The following RAPGEF4 variants were observed in gnomAD, a reference collection of about 807,000 sequenced individuals.
RAPGEF4 encodes the protein RAP guanine-nucleotide-exchange factor (GEF) 4.
In RAPGEF4, 66 loss-of-function variants were observed where a neutral mutation model predicts 147.9. That is an observed-to-expected ratio of 0.45 (90% CI 0.37 to 0.55). The LOEUF (loss-of-function observed/expected upper bound fraction) is 0.55. Ranked by LOEUF, RAPGEF4 falls within the 20% of genes least tolerant of loss-of-function variation. RAPGEF4 has a pLI of 0.00. For synonymous variants in RAPGEF4, 419 were observed against 442.7 expected (o/e 0.95, Z 0.67); for missense variants, 1,071 against 1,257.3 (o/e 0.85, Z 2.24).
intron 6 of RAPGEF4, among the ~76,000 whole-genome samples, chr2:172,934,147 CT>C (rs5836396): frequency 0.016 from 1,622 of 99,128 alleles, 23 homozygotes; most frequent in African/African-American, 0.059. Context: ...TTATTTAATC[CT>C]TTTTTTTTTT....
chr2:172,957,849 T>C (rs1393656420), intron 6 of RAPGEF4, among the ~76,000 whole-genome samples: 1 of 152,212 alleles, frequency 6.6e-6, no homozygotes, highest in Non-Finnish European at 1.5e-5. Context: ...AAGTTGCAAA[T>C]CAAAGAAAAA....
chr2:172,941,524 T>G (rs1380541446), intron 6 of RAPGEF4, among the ~76,000 whole-genome samples: 1 of 152,216 alleles, frequency 6.6e-6, no homozygotes, highest in Admixed American at 6.5e-5. Context: ...AAGTTCTTAT[T>G]GCCACGTCTG....
intron 26 of RAPGEF4, among the ~76,000 whole-genome samples, chr2:173,031,468 C>A (rs1697188833): frequency 6.6e-6 from 1 of 152,204 alleles, no homozygotes; most frequent in Non-Finnish European, 1.5e-5. Context: ...AGTCTGCCTT[C>A]CCCAGTCAGC....
At chr2:172,991,201 G>A (rs1692798292) in intron 15 of RAPGEF4, among the ~76,000 whole-genome samples, 1 of 152,164 alleles carries the variant, frequency 6.6e-6, no homozygotes, top group Admixed American at 6.5e-5. Flanking sequence ...AATAGCTGTG[G>A]AACAGAAGGC....
intron 27 of RAPGEF4, among the ~76,000 whole-genome samples, chr2:173,034,546 C>A (rs1683666600): frequency 6.6e-6 from 1 of 152,074 alleles, no homozygotes. Context: ...AAAGAAAACT[C>A]CAAATTTTTT....
At chr2:172,988,639 G>C in intron 13 of RAPGEF4, 54 bp from the exon 14 acceptor site, 1 of 1,537,558 alleles carries the variant, frequency 6.5e-7, no homozygotes, top group South Asian at 1.2e-5. Context: ...GGAGGTGGTG[G>C]GTGTTTGCTC....
intron 21 of RAPGEF4, 38 bp downstream of exon 21, chr2:173,017,542 A>T (rs775826102): frequency 3.2e-6 from 5 of 1,556,724 alleles, no homozygotes; most frequent in East Asian, 2.2e-5. Context: ...AGTTGTATAG[A>T]TTATTTAGTC....
At chr2:172,857,822 G>T (rs1371615867) in intron 4 of RAPGEF4, among the ~76,000 whole-genome samples, 1 of 137,664 alleles carries the variant, frequency 7.3e-6, no homozygotes, top group Non-Finnish European at 1.5e-5. Context: ...GTCTGAGACT[G>T]CAGCGAGCCA....
At chr2:172,985,567 T>G (rs1375938620) in intron 12 of RAPGEF4, 74 bp downstream of exon 12, 2 of 1,571,410 alleles carry the variant, frequency 1.3e-6, no homozygotes, top group Non-Finnish European at 1.7e-6. Flanking sequence ...GAAGCCAGGC[T>G]GCTAACGCCT....
chr2:172,794,125 C>T (rs1300563858), intron 1 of RAPGEF4, among the ~76,000 whole-genome samples: 2 of 152,006 alleles, frequency 1.3e-5, no homozygotes, highest in Non-Finnish European at 2.9e-5. Flanking sequence ...AGCCTATAAT[C>T]CCAGCACTTT....
chr2:173,044,603 C>T lies in RAPGEF4; in HGVS notation c.2854-3997C>T, dbSNP rs114046863. ...CTTTCAGTTGGGCCCATCTCTAAGCCCTGTAGGCCACGAACTGTAGGAACA... is the reference window on the plus strand; with the variant it reads ...CTTTCAGTTGGGCCCATCTCTAAGCTCTGTAGGCCACGAACTGTAGGAACA... On this transcript the variant is annotated intron_variant, in intron 29 of 30. Transcript: ENST00000397081. Among the ~76,000 whole-genome samples, 237 of 152,260 alleles carry T rather than the reference C, an allele frequency of 1.6e-3. 1 individual carries two copies. The highest frequency in any genetic ancestry group is 5.4e-3 in the African/African-American group (223 of 41,548).
intron 1 of RAPGEF4, among the ~76,000 whole-genome samples, chr2:172,761,686 A>G (rs1162032913): frequency 6.6e-6 from 1 of 152,220 alleles, no homozygotes; most frequent in Non-Finnish European, 1.5e-5. Flanking sequence ...ACATGGAAAG[A>G]GTAAATATAT....
At chr2:172,767,157 A>T (rs1362316508) in intron 1 of RAPGEF4, among the ~76,000 whole-genome samples, 1 of 151,950 alleles carries the variant, frequency 6.6e-6, no homozygotes, top group Non-Finnish European at 1.5e-5. Flanking sequence ...AAATAAACAT[A>T]TAAACAAAGA....
At position 173,019,687 on chromosome 2, in the gene RAPGEF4, T is replaced by C. The variant is rs142927937; in HGVS notation, c.2155+885T>C. On this transcript the variant is annotated intron_variant, in intron 22 of 30. Transcript: ENST00000397081. Reference sequence around the variant, plus strand: ...GATTTTAAGATCTCCCTTCCATTTCTGCTCCAGTTGCACAAGGCCCAGGAT... The same window carrying C: ...GATTTTAAGATCTCCCTTCCATTTCCGCTCCAGTTGCACAAGGCCCAGGAT... 9.4e-3 allele frequency among the ~76,000 whole-genome samples: 1,436 copies of C among 152,326 alleles called. 10 individuals are homozygous for C. The highest frequency in any genetic ancestry group is 0.014 in the Non-Finnish European group (954 of 68,024).
chr2:172,833,543 C>T (rs1484908087), intron 4 of RAPGEF4, among the ~76,000 whole-genome samples: 1 of 152,080 alleles, frequency 6.6e-6, no homozygotes, highest in Non-Finnish European at 1.5e-5. Context: ...AATCACGCAT[C>T]TTTTAAATAT....
intron 4 of RAPGEF4, among the ~76,000 whole-genome samples, chr2:172,841,341 C>T (rs541062191): frequency 3.9e-5 from 6 of 152,282 alleles, no homozygotes; most frequent in African/African-American, 7.2e-5. Flanking sequence ...CTTTATCTTC[C>T]GCCATGAGTG....
chr2:173,038,162 C>T (rs1684292015), intron 29 of RAPGEF4, among the ~76,000 whole-genome samples: 1 of 152,152 alleles, frequency 6.6e-6, no homozygotes, highest in South Asian at 2.1e-4. Flanking sequence ...ACACCAAAGG[C>T]AGGGTATGAA....
chr2:172,877,521 T>TA (rs1696105584), intron 4 of RAPGEF4, among the ~76,000 whole-genome samples: 1 of 145,054 alleles, frequency 6.9e-6, no homozygotes, highest in Non-Finnish European at 1.5e-5. Context: ...TCTCAGAACT[T>TA]AAAGTATAAA....
intron 1 of RAPGEF4, among the ~76,000 whole-genome samples, chr2:172,789,915 A>G (rs1685629607): frequency 6.6e-6 from 1 of 152,212 alleles, no homozygotes; most frequent in Non-Finnish European, 1.5e-5. Flanking sequence ...ATAATGCTGA[A>G]ATGAACATGG....
Sources: gnomAD v4.1 joint callset for allele counts (sites outside exome capture counted in the v4.1 genomes callset) on GRCh38, gnomAD v4.1.1 for gene constraint, MANE v1.5 for transcripts, NCBI Gene and HGNC (gene_info 2026-07-23, HGNC 2026-07-21) for gene names.